Variants in CACNA1D observed in about 807,000 individuals in gnomAD.
CACNA1D encodes calcium voltage-gated channel subunit alpha1 D, also known as voltage-dependent L-type calcium channel subunit alpha-1D.
A neutral mutation model predicts 257.1 loss-of-function variants in CACNA1D; 55 were observed. That is an observed-to-expected ratio of 0.21 (90% confidence interval 0.17 to 0.27). The LOEUF is 0.27. Among genes scored for constraint, CACNA1D ranks in the 10% least tolerant of loss-of-function variants. The pLI is 1.00. For synonymous variants in CACNA1D, 980 were observed against 1,014.9 expected (o/e 0.97, Z 0.65); for missense variants, 1,876 against 2,784.0 (o/e 0.67, Z 7.34).
At chr3:53,516,776 C>T (rs1575729578) in intron 3 of CACNA1D, among the ~76,000 whole-genome samples, 2 of 152,166 alleles carry the variant, frequency 1.3e-5, no homozygotes, top group Admixed American at 1.3e-4. Flanking sequence ...CCTATCTGGA[C>T]GACAAGCCAT....
intron 3 of CACNA1D, among the ~76,000 whole-genome samples, chr3:53,539,047 A>C (rs2092220855): frequency 6.6e-6 from 1 of 152,030 alleles, no homozygotes; most frequent in Admixed American, 6.5e-5. Flanking sequence ...GTCCCTAAGC[A>C]GTATCACTTG....
rs9654000 is a variant in CACNA1D at position 53,787,139 on chromosome 3, G to A, written c.4923+187G>A. ...CCACAAGGTAAGTGCTTCCCTCCCC[G>A]ATGCCTACCCCATAGAGCCCTGCAC... On this transcript the variant is annotated intron_variant, in intron 40 of 47. Transcript: ENST00000350061. Among the ~76,000 whole-genome samples the A allele has an allele frequency of 9.7e-3, 1,478 of 152,102 alleles. 25 individuals carry two copies. The highest frequency in any genetic ancestry group is 0.034 in the African/African-American group (1,410 of 41,482).
chr3:53,561,714 T>C (rs1254703219), intron 3 of CACNA1D, among the ~76,000 whole-genome samples: 1 of 152,226 alleles, frequency 6.6e-6, no homozygotes, highest in African/African-American at 2.4e-5. Context: ...TATTGCCACT[T>C]TCTTTGAACC....
chr3:53,801,421 A>G lies in CACNA1D; in HGVS notation c.5404A>G (p.Lys1802Glu). 1 of 1,613,972 alleles carries G rather than the reference A, an allele frequency of 6.2e-7. No individual in the cohort carries two copies. The highest frequency in any genetic ancestry group is 8.5e-7 in the Non-Finnish European group (1 of 1,180,016). The change falls in exon 42 of 48, where the codon AAA becomes GAA. Residue 1802 changes from lysine (K) to glutamate (E), a missense_variant. This residue lies in a region of CACNA1D where 491 missense variants were observed against 554.3 expected (regional missense o/e 0.89). Transcript: ENST00000350061. The stretch of plus-strand genomic sequence containing the variant: ...GGAGCCTCAGAGAAGGTCCAGTGTG[A>G]AAAGGTAACCTTGACAATGTGTTTG... The part of the protein sequence containing the change: ...DREPQRRSSV[K>E]RTRYYETYIR...
intron 3 of CACNA1D, among the ~76,000 whole-genome samples, chr3:53,624,013 T>G (rs1286653613): frequency 6.6e-6 from 1 of 151,358 alleles, no homozygotes; most frequent in Non-Finnish European, 1.5e-5. Flanking sequence ...AACAAGGTCA[T>G]CTTCTTCCTT....
intron 3 of CACNA1D, among the ~76,000 whole-genome samples, chr3:53,633,092 T>C (rs1002982369): frequency 7.2e-5 from 11 of 152,332 alleles, no homozygotes; most frequent in Non-Finnish European, 1.0e-4. Context: ...TGAAGTACAA[T>C]AAAATGAGAT....
chr3:53,693,461 A>AT (rs10576296), intron 8 of CACNA1D, among the ~76,000 whole-genome samples: 11,687 of 142,450 alleles, frequency 0.082, 553 homozygotes, highest in Middle Eastern at 0.1. Context: ...CATTGCTGTT[A>AT]TTTTTTTTTT....
intron 8 of CACNA1D, among the ~76,000 whole-genome samples, chr3:53,692,826 G>A (rs1345545498): frequency 6.6e-6 from 1 of 152,262 alleles, no homozygotes; most frequent in Non-Finnish European, 1.5e-5. Flanking sequence ...GGGAGGCTGA[G>A]GCGGGTGGAT....
rs558624342 is a variant in CACNA1D, at chr3:53,747,818, C to G, written c.3314+370C>G. ...TCATTCATTCATTCATTCATTCATT[C>G]TAATATATTCCCAGTTGCGGACAGT... On this transcript the variant is annotated intron_variant, in intron 26 of 47. Transcript: ENST00000350061. Among the ~76,000 whole-genome samples the G allele has an allele frequency of 2.7e-5, 4 of 146,912 alleles. No individual in the cohort carries two copies. The South Asian group carries it at 8.7e-4, about 32-fold the overall frequency.
chr3:53,803,630 C>T lies in CACNA1D; in HGVS notation c.5585+58C>T, dbSNP rs923099944. ...GGCCGCCCTGCCCTGGTGCTCGGCC[C>T]ACTCCGGAAGCCAGGGCCACCGGCA... On this transcript the variant is annotated intron_variant, in intron 44 of 47. Coordinates refer to ENST00000350061, the MANE Select transcript of CACNA1D (RefSeq NM_001128840.3). 5 of 1,579,946 alleles carry T rather than the reference C, an allele frequency of 3.2e-6. No individual in the cohort carries two copies. In the African/African-American group the frequency reaches 5.4e-5, roughly 17 times the overall value.
chr3:53,731,174 T>A (rs2094988402), intron 17 of CACNA1D, 28 bp downstream of exon 17: 1 of 1,470,068 alleles, frequency 6.8e-7, no homozygotes, highest in African/African-American at 1.4e-5. Flanking sequence ...CTTCTCCCCT[T>A]TTTGTTTCAA....
In CACNA1D at chr3:53,505,066, T is replaced by C. The variant is rs1022028114; in HGVS notation, c.483+3346T>C. 4.6e-5 allele frequency among the ~76,000 whole-genome samples: 7 copies of C among 151,972 alleles called. No homozygotes were observed. The South Asian group carries it at 6.2e-4, about 14-fold the overall frequency. On this transcript the variant is annotated intron_variant, in intron 3 of 47. Coordinates refer to ENST00000350061, the MANE Select transcript of CACNA1D (RefSeq NM_001128840.3). Reference sequence around the variant, plus strand: ...CCATGGCCCATGTCTCTCTATCCCCTTATCTAGCAAAGTGCCTGATGTACC... The same window carrying C: ...CCATGGCCCATGTCTCTCTATCCCCCTATCTAGCAAAGTGCCTGATGTACC...
At chr3:53,636,376 T>C (rs2093884133) in intron 3 of CACNA1D, among the ~76,000 whole-genome samples, 1 of 152,242 alleles carries the variant, frequency 6.6e-6, no homozygotes. Flanking sequence ...CAATCTCGGC[T>C]CACTGCAACC....
At position 53,673,562 on chromosome 3, in the gene CACNA1D, GA is replaced by G. The variant is rs10707009; in HGVS notation, c.1220+451del. 254,350 of 585,880 alleles carry G rather than the reference GA, an allele frequency of 0.43. 26,721 individuals are homozygous for G. Among genetic ancestry groups the G allele is most frequent in the African/African-American group, 0.7 (34,987 of 50,030 alleles). The allele number at this position is 585,880 out of a possible 1,614,324, so 36.3% of individuals were successfully genotyped here. On this transcript the variant is annotated intron_variant, in intron 8 of 47. Transcript: ENST00000350061. This position sits in a 1 kb window ranked among gnomAD's most constrained non-coding sequence, Gnocchi z 4.1. Reference sequence around the variant, plus strand: ...GCCGCTGAGCTTGTCCTTATTTGCAGAAAAAAAAAAAAAAAGGGAAGGACCT... The same window carrying G: ...GCCGCTGAGCTTGTCCTTATTTGCAGAAAAAAAAAAAAAAGGGAAGGACCT...
intron 11 of CACNA1D, among the ~76,000 whole-genome samples, chr3:53,720,960 G>A (rs2094877277): frequency 6.6e-6 from 1 of 152,210 alleles, no homozygotes. Flanking sequence ...TAACATGAAT[G>A]TTTGTACCAG....
intron 3 of CACNA1D, among the ~76,000 whole-genome samples, chr3:53,560,955 T>C (rs1488636297): frequency 1.3e-5 from 2 of 152,248 alleles, no homozygotes; most frequent in Non-Finnish European, 2.9e-5. Flanking sequence ...GGAATGCTTA[T>C]GGATACAACC....
rs186041678 is a variant in CACNA1D, at chr3:53,633,595, G to A, written c.484-17184G>A. 5.4e-3 allele frequency among the ~76,000 whole-genome samples: 818 copies of A among 152,294 alleles called. 8 individuals carry two copies. The highest frequency in any genetic ancestry group is 0.019 in the African/African-American group (773 of 41,554). On this transcript the variant is annotated intron_variant, in intron 3 of 47. Coordinates refer to ENST00000350061, the MANE Select transcript of CACNA1D (RefSeq NM_001128840.3). ...TCCAGCTTAGGGCAAACTGGTAGCCGGGAAGTCATCCAGCTCAATTTCAGC... is the reference window on the plus strand; with the variant it reads ...TCCAGCTTAGGGCAAACTGGTAGCCAGGAAGTCATCCAGCTCAATTTCAGC...
Position 53,723,417 on chromosome 3 carries a change from C to G in CACNA1D, c.1667-17C>G, listed in dbSNP as rs774284860. On this transcript the variant is annotated splice_polypyrimidine_tract_variant and intron_variant, in intron 12 of 47. Transcript: ENST00000350061. This position sits in a 1 kb window ranked among gnomAD's most constrained non-coding sequence, Gnocchi z 5.6. ...TTGCAGGAGACCCTGAGGATGGGTG[C>G]CCCTTTGTCTTTCCAGATATTGCCA... 8 of 1,598,356 alleles carry G rather than the reference C, an allele frequency of 5.0e-6. No individual in the cohort carries two copies. Among genetic ancestry groups the G allele is most frequent in the Admixed American group, 1.7e-5 (1 of 59,982 alleles).
At chr3:53,539,088 G>T (rs1398707269) in intron 3 of CACNA1D, among the ~76,000 whole-genome samples, 2 of 151,958 alleles carry the variant, frequency 1.3e-5, no homozygotes, top group Admixed American at 1.3e-4. Flanking sequence ...TATTTAAATG[G>T]ATCATGCTTC....
Sources: allele counts gnomAD v4.1 joint callset (sites outside exome capture counted in the v4.1 genomes callset), GRCh38; gene constraint gnomAD v4.1.1; regional missense constraint gnomAD v4.1.1; non-coding constraint Gnocchi (gnomAD v3.1); transcripts MANE v1.5; gene names NCBI Gene and HGNC (gene_info 2026-07-23, HGNC 2026-07-21).